DLG2: variants seen among roughly 807,000 people sequenced by gnomAD.
The protein encoded by DLG2 is disks large homolog 2.
DLG2 carries 45 observed loss-of-function variants against 132.5 expected under a neutral mutation model. That is an observed-to-expected ratio of 0.34 (90% CI 0.27 to 0.44). DLG2 has a LOEUF of 0.44. Among genes scored for constraint, DLG2 ranks in the 20% least tolerant of loss-of-function variants. DLG2 has a pLI of 1.00. For synonymous variants in DLG2, 424 were observed against 419.6 expected (o/e 1.01, Z -0.13); for missense variants, 1,045 against 1,196.9 (o/e 0.87, Z 1.87).
Position 84,849,042 on chromosome 11 carries a change from A to C in DLG2, c.357+262619T>G, listed in dbSNP as rs578254675. ...CCTGAAGTCACCATTTAAGATGCCT[A>C]GTTACTTAGCTGGAGAGCCTACCTG... On this transcript the variant is annotated intron_variant, in intron 6 of 27. Transcript: ENST00000376104. Among the ~76,000 whole-genome samples, 9 of 152,324 alleles carry C rather than the reference A, an allele frequency of 5.9e-5. No individual in the cohort carries two copies. In the South Asian group the frequency reaches 1.9e-3, roughly 32 times the overall value.
At chr11:84,184,678 T>G (rs1480477261) in intron 8 of DLG2, among the ~76,000 whole-genome samples, 8 of 152,306 alleles carry the variant, frequency 5.3e-5, no homozygotes, top group Admixed American at 3.3e-4. Context: ...TGCCTAGGTT[T>G]TCTTCTAGGG....
At chr11:85,502,544 A>G (rs572633554) in intron 3 of DLG2, among the ~76,000 whole-genome samples, 3 of 152,050 alleles carry the variant, frequency 2.0e-5, no homozygotes, top group Admixed American at 2.0e-4. Flanking sequence ...GCAAACTAAC[A>G]TAGGAAGAGA....
chr11:84,398,501 T>G (rs539657913), intron 7 of DLG2, among the ~76,000 whole-genome samples: 21 of 152,208 alleles, frequency 1.4e-4, no homozygotes, highest in African/African-American at 5.1e-4. Flanking sequence ...GGGTACCTTA[T>G]AAGAATGAGT....
chr11:84,388,296 T>C lies in DLG2; in HGVS notation c.520-137005A>G, dbSNP rs549325980. ...CGTGATCTAAACTAAATCTTTCATA[T>C]TGTCAATCTCAAAGAATCTATCAAA... On this transcript the variant is annotated intron_variant, in intron 7 of 27. Coordinates refer to ENST00000376104, the MANE Select transcript of DLG2 (RefSeq NM_001142699.3). Among the ~76,000 whole-genome samples, 24 of 152,256 alleles carry C rather than the reference T, an allele frequency of 1.6e-4. No individual in the cohort carries two copies. In the East Asian group the frequency reaches 4.1e-3, roughly 26 times the overall value.
chr11:85,603,529 C>T (rs201137219), intron 2 of DLG2, among the ~76,000 whole-genome samples: 1 of 145,934 alleles, frequency 6.9e-6, no homozygotes, highest in Non-Finnish European at 1.5e-5. Context: ...TTTTCTCTCT[C>T]TTTTTTTTTT....
At chr11:83,602,597 C>G (rs1448561266) in intron 19 of DLG2, among the ~76,000 whole-genome samples, 1 of 152,208 alleles carries the variant, frequency 6.6e-6, no homozygotes, top group African/African-American at 2.4e-5. Flanking sequence ...GCCCGGCAGA[C>G]TGAATCTGAA....
At chr11:84,717,440 G>C (rs1390343710) in intron 6 of DLG2, among the ~76,000 whole-genome samples, 1 of 151,948 alleles carries the variant, frequency 6.6e-6, no homozygotes, top group South Asian at 2.1e-4. Context: ...ACTTAAATTT[G>C]AGACCAAAGG....
intron 6 of DLG2, among the ~76,000 whole-genome samples, chr11:84,924,504 CAG>C (rs1232554743): frequency 6.6e-5 from 10 of 152,184 alleles, no homozygotes; most frequent in African/African-American, 2.4e-4. Flanking sequence ...GAAGCACCAT[CAG>C]AGTTACTGGG....
intron 6 of DLG2, among the ~76,000 whole-genome samples, chr11:84,998,714 A>C (rs2057920325): frequency 6.6e-6 from 1 of 151,820 alleles, no homozygotes; most frequent in African/African-American, 2.4e-5. Flanking sequence ...AATTATTATA[A>C]TTTTCATGTT....
intron 7 of DLG2, among the ~76,000 whole-genome samples, chr11:84,354,328 G>A (rs1480937482): frequency 6.6e-6 from 1 of 152,058 alleles, no homozygotes; most frequent in Non-Finnish European, 1.5e-5. Flanking sequence ...GTATTAGACT[G>A]CTTACATATA....
At chr11:84,718,311 T>A (rs2061443852) in intron 6 of DLG2, among the ~76,000 whole-genome samples, 1 of 152,118 alleles carries the variant, frequency 6.6e-6, no homozygotes, top group African/African-American at 2.4e-5. Context: ...ACACATGACA[T>A]AGGTGTTTCA....
intron 3 of DLG2, among the ~76,000 whole-genome samples, chr11:85,589,644 C>T (rs2079186622): frequency 6.6e-6 from 1 of 152,050 alleles, no homozygotes; most frequent in African/African-American, 2.4e-5. Flanking sequence ...TAGCGATAGG[C>T]CCCACCCAGC....
chr11:84,229,511 GA>G (rs1441087554), intron 8 of DLG2, among the ~76,000 whole-genome samples: 1 of 152,182 alleles, frequency 6.6e-6, no homozygotes, highest in Non-Finnish European at 1.5e-5. Flanking sequence ...AAGAGAAATG[GA>G]AAGCAGACTC....
intron 11 of DLG2, among the ~76,000 whole-genome samples, chr11:84,040,957 C>T (rs1351215446): frequency 6.6e-6 from 1 of 151,430 alleles, no homozygotes; most frequent in Non-Finnish European, 1.5e-5. Context: ...AGTTGGATTC[C>T]TAGGTATTTT....
chr11:84,752,614 T>A (rs903747137), intron 6 of DLG2, among the ~76,000 whole-genome samples: 5 of 148,766 alleles, frequency 3.4e-5, no homozygotes, highest in Non-Finnish European at 4.5e-5. Context: ...CATGTGCACA[T>A]TGTGCAGGTT....
intron 3 of DLG2, among the ~76,000 whole-genome samples, chr11:85,568,116 G>C (rs1160713675): frequency 6.6e-6 from 1 of 150,850 alleles, no homozygotes; most frequent in Non-Finnish European, 1.5e-5. Flanking sequence ...CCAGGTACAA[G>C]TGATTCTCCT....
chr11:85,449,640 T>C (rs2092155890), intron 3 of DLG2, among the ~76,000 whole-genome samples: 2 of 152,204 alleles, frequency 1.3e-5, no homozygotes, highest in Non-Finnish European at 2.9e-5. Flanking sequence ...ATTTCTCATG[T>C]ATTTTGTAGT....
chr11:85,081,991 A>G (rs998784539), intron 6 of DLG2, among the ~76,000 whole-genome samples: 1 of 152,116 alleles, frequency 6.6e-6, no homozygotes, highest in African/African-American at 2.4e-5. Flanking sequence ...GCAATGATTT[A>G]TACACTTGTG....
chr11:84,860,017 T>G (rs967482338), intron 6 of DLG2, among the ~76,000 whole-genome samples: 1 of 152,140 alleles, frequency 6.6e-6, no homozygotes, highest in Admixed American at 6.6e-5. Context: ...ATTGTAATCT[T>G]AACAGGCTGG....
Sources: gnomAD v4.1 joint callset for allele counts (sites outside exome capture counted in the v4.1 genomes callset) on GRCh38, gnomAD v4.1.1 for gene constraint, MANE v1.5 for transcripts, NCBI Gene and HGNC (gene_info 2026-07-23, HGNC 2026-07-21) for gene names.